The following TEX10 variants were observed in gnomAD, a reference collection of about 807,000 sequenced individuals.
TEX10 encodes the protein testis-expressed protein 10.
A neutral mutation model predicts 104.4 loss-of-function variants in TEX10; 24 were observed. The ratio of observed to expected loss-of-function variants is 0.23; its 90% CI spans 0.17 to 0.32. The LOEUF is 0.32. TEX10 is among the 10% of genes least tolerant of loss of function. The pLI is 1.00. For missense variants in TEX10, 921 were observed against 1,083.9 expected, an observed-to-expected ratio of 0.85 and a Z score of 2.11; for synonymous variants, 396 against 393.4, an observed-to-expected ratio of 1.01 and a Z score of -0.08.
Position 100,302,266 on chromosome 9 carries a change from T to C in TEX10, c.2715A>G (p.Thr905=). ...KSGSVQEQWL[T]DLHYCFNVYI... is the part of the protein sequence containing the mutation. ...ACACGTTGAAGCAGTAATGTAAGTCTGTGAGCCACTGTTCCTGAACACTTC... is the reference window on the plus strand; with the variant it reads ...ACACGTTGAAGCAGTAATGTAAGTCCGTGAGCCACTGTTCCTGAACACTTC... The change falls in exon 15 of 15, where the codon ACA becomes ACG. Residue 905 remains threonine, a synonymous_variant. Transcript: ENST00000374902. 1 of 1,613,810 alleles carries C rather than the reference T, an allele frequency of 6.2e-7. No homozygotes were observed. Among genetic ancestry groups the C allele is most frequent in the Non-Finnish European group, 8.5e-7 (1 of 1,179,796 alleles).
chr9:100,315,743 G>A (rs1020358570), intron 11 of TEX10, among the ~76,000 whole-genome samples: 23 of 152,000 alleles, frequency 1.5e-4, no homozygotes, highest in African/African-American at 5.6e-4. Context: ...CTTTTGGCCT[G>A]TAAGGTTTCT....
At chr9:100,316,853 G>A (rs1834429139) in intron 11 of TEX10, among the ~76,000 whole-genome samples, 1 of 118,248 alleles carries the variant, frequency 8.5e-6, no homozygotes, top group Non-Finnish European at 1.7e-5. Context: ...CCAATAACTA[G>A]TTGAAAACAA....
chr9:100,323,803 AC>A (rs1834635297), intron 9 of TEX10, among the ~76,000 whole-genome samples: 1 of 152,216 alleles, frequency 6.6e-6, no homozygotes, highest in Admixed American at 6.5e-5. Context: ...GATCTCACAG[AC>A]CAATTAGTGT....
chr9:100,347,201 A>T lies in TEX10; in HGVS notation c.386T>A (p.Ile129Lys), dbSNP rs770726850. The T allele has an allele frequency of 6.2e-7, 1 of 1,613,996 alleles. No individual in the cohort carries two copies. Among genetic ancestry groups the T allele is most frequent in the Non-Finnish European group, 8.5e-7 (1 of 1,179,892 alleles). Reference protein sequence around the residue: ...VQLLQFLAPKIRAEQISPFFP... With the variant: ...VQLLQFLAPKKRAEQISPFFP... Reference sequence around the variant, plus strand: ...AAATGGAGAAATTTGTTCAGCTCGTATTTTGGGGGCCAGGAATTGAAGAAG... The same window carrying T: ...AAATGGAGAAATTTGTTCAGCTCGTTTTTTGGGGGCCAGGAATTGAAGAAG... The change falls in exon 3 of 15, where the codon ATA (isoleucine) becomes AAA (lysine). Residue 129 changes from isoleucine (I) to lysine (K), a missense_variant. Ile to Lys is a moderately radical substitution (Grantham distance 102). This residue lies in a region of TEX10 where 50 missense variants were observed against 104.2 expected (regional missense o/e 0.48). Transcript: ENST00000374902.
intron 9 of TEX10, among the ~76,000 whole-genome samples, chr9:100,323,633 C>T (rs1834630620): frequency 6.6e-6 from 1 of 152,174 alleles, no homozygotes; most frequent in Admixed American, 6.5e-5. Context: ...CAATTCTAAA[C>T]ACATTTTTTA....
Position 100,320,269 on chromosome 9 carries a change from G to A in TEX10, c.2198C>T (p.Thr733Ile). 3 of 1,605,256 alleles carry A rather than the reference G, an allele frequency of 1.9e-6. No homozygotes were observed. The highest frequency in any genetic ancestry group is 1.7e-4 in the Middle Eastern group (1 of 6,034). The part of the protein sequence containing the change: ...LDQFLHHWDV[T>I]EAVFHSLLVI... ...TCTTTTTAAATGAACTATTACCTCT[G>A]TTACATCCCAGTGGTGTAAAAATTG... is the stretch of plus-strand genomic sequence containing the variant. Residue 733 changes from threonine to isoleucine, a missense_variant, in exon 11 of 15, where the codon ACA (threonine) becomes ATA (isoleucine). Physicochemically the swap from Thr to Ile is moderately conservative, Grantham distance 89. This residue lies in a region of TEX10 where 753 missense variants were observed against 868.4 expected (regional missense o/e 0.87). Coordinates refer to ENST00000374902, the MANE Select transcript of TEX10 (RefSeq NM_017746.4).
At position 100,329,196 on chromosome 9, in the gene TEX10, T is replaced by C. The variant is rs1834786685; in HGVS notation, c.1569A>G (p.Leu523=). 1 of 1,612,416 alleles carries C rather than the reference T, an allele frequency of 6.2e-7. No homozygotes were observed. Among genetic ancestry groups the C allele is most frequent in the African/African-American group, 1.3e-5 (1 of 74,968 alleles). The change falls in exon 7 of 15, where the codon TTA becomes TTG. Residue 523 remains leucine, a synonymous_variant. Coordinates refer to ENST00000374902, the MANE Select transcript of TEX10 (RefSeq NM_017746.4). ...RGLILPVRTL[L]LKFFSKIYQT... The stretch of plus-strand genomic sequence containing the variant: ...GATAGATTTTACTGAAAAACTTCAA[T>C]AACAAAGTCCGAACTGGAAGGATAA...
In TEX10 at chr9:100,308,619, G is replaced by A. The variant is rs770045032; in HGVS notation, c.2346C>T (p.Leu782=). 22 of 1,611,734 alleles carry A rather than the reference G, an allele frequency of 1.4e-5. No homozygotes were observed. The highest frequency in any genetic ancestry group is 1.8e-5 in the Non-Finnish European group (21 of 1,178,896). ...CACTAACTACACAAGTATGATCCAG[G>A]AGCTTACAGATAACACCAAAAACAC... The part of the protein sequence containing the change: ...AGCVFGVICK[L]LDHTCVVSET... The change falls in exon 13 of 15, where the codon CTC becomes CTT. Residue 782 remains leucine, a synonymous_variant. Transcript: ENST00000374902.
chr9:100,349,903 GAAT>G (rs1192393046), intron 1 of TEX10, among the ~76,000 whole-genome samples: 2 of 152,296 alleles, frequency 1.3e-5, no homozygotes, highest in Middle Eastern at 3.4e-3. Flanking sequence ...ACAGCAAGGA[GAAT>G]AATAGGCCTT....
At chr9:100,328,565 T>C (rs1473457531) in intron 7 of TEX10, among the ~76,000 whole-genome samples, 2 of 152,224 alleles carry the variant, frequency 1.3e-5, no homozygotes, top group African/African-American at 2.4e-5. Flanking sequence ...ATTGAGATTA[T>C]GTAAAGTAAC....
chr9:100,314,634 G>C (rs911107011), intron 11 of TEX10, among the ~76,000 whole-genome samples: 1 of 151,868 alleles, frequency 6.6e-6, no homozygotes, highest in African/African-American at 2.4e-5. Flanking sequence ...TCTAGCTACC[G>C]GCTATCAATC....
rs1179645792 is a variant in TEX10, at chr9:100,327,972, G to T, written c.1626-10C>A. ...CACTTTACTACGATATCTTAGAAAG[G>T]CCAAAGAAGAATAAAATGTAATACT... On this transcript the variant is annotated splice_polypyrimidine_tract_variant and intron_variant, in intron 7 of 14. Transcript: ENST00000374902. 1.3e-6 allele frequency: 2 copies of T among 1,511,484 alleles called. No homozygotes were observed. Among genetic ancestry groups the T allele is most frequent in the Admixed American group, 1.8e-5 (1 of 54,162 alleles). 93.6% of individuals were successfully genotyped at this position (1,511,484 alleles called of 1,614,324 possible).
chr9:100,303,503 A>AT (rs768594472), intron 14 of TEX10, 129 bp downstream of exon 14: 101 of 895,032 alleles, frequency 1.1e-4, no homozygotes, highest in Non-Finnish European at 1.6e-4. Context: ...AAACTACCAT[A>AT]TTGGGATTAA....
chr9:100,340,268 C>T lies in TEX10; in HGVS notation c.1239G>A (p.Glu413=). 1 of 1,553,460 alleles carries T rather than the reference C, an allele frequency of 6.4e-7. No individual in the cohort carries two copies. The change falls in exon 5 of 15, where the codon GAG becomes GAA. Residue 413 remains glutamate, a synonymous_variant. Coordinates refer to ENST00000374902, the MANE Select transcript of TEX10 (RefSeq NM_017746.4). ...AAGAATCATAATACCTTTTATTTGG[C>T]TCTTTCCTTTTGTGCTTGGTTATTT... ...LKEITKHKRK[E]PNKSIKHCTV... is the part of the protein sequence containing the mutation.
At chr9:100,349,048 C>G (rs979339535) in intron 2 of TEX10, 136 bp downstream of exon 2, 19 of 619,074 alleles carry the variant, frequency 3.1e-5, no homozygotes, top group Non-Finnish European at 4.3e-5. Flanking sequence ...AAAAGATAAA[C>G]TCCAAACATC....
intron 5 of TEX10, among the ~76,000 whole-genome samples, chr9:100,339,274 A>AAAAAAAAATATATAT (rs1835101688): frequency 5.5e-5 from 5 of 91,702 alleles, no homozygotes; most frequent in African/African-American, 2.3e-4. Context: ...AAAAAAAAAA[A>AAAAAAAAATATATAT]GTATATATAT....
chr9:100,309,490 G>A (rs933552303), intron 12 of TEX10, among the ~76,000 whole-genome samples: 8 of 152,176 alleles, frequency 5.3e-5, no homozygotes, highest in East Asian at 1.9e-4. Flanking sequence ...TGTAGTCAAC[G>A]GAGAGTCTAA....
intron 11 of TEX10, among the ~76,000 whole-genome samples, chr9:100,319,124 G>A (rs1019357326): frequency 2.0e-5 from 3 of 151,966 alleles, no homozygotes; most frequent in East Asian, 1.9e-4. Context: ...CCCGGGAGAC[G>A]GAGGTTGCAG....
At chr9:100,342,614 T>TAAA (rs972653645) in intron 4 of TEX10, among the ~76,000 whole-genome samples, 2 of 152,176 alleles carry the variant, frequency 1.3e-5, no homozygotes, top group African/African-American at 4.8e-5. Flanking sequence ...AAGCTTTGAA[T>TAAA]AAATGCCTTA....
Sources: gnomAD v4.1 joint callset for allele counts (sites outside exome capture counted in the v4.1 genomes callset) on GRCh38, gnomAD v4.1.1 for gene constraint, gnomAD v4.1.1 regional missense constraint, MANE v1.5 for transcripts, NCBI Gene and HGNC (gene_info 2026-07-23, HGNC 2026-07-21) for gene names.